The following HS3ST5 variants were observed in gnomAD, a reference collection of about 807,000 sequenced individuals.
HS3ST5 encodes heparan sulfate-glucosamine 3-sulfotransferase 5.
HS3ST5 carries 10 observed loss-of-function variants against 25.4 expected under a neutral mutation model. The ratio of observed to expected loss-of-function variants is 0.39; its 90% CI spans 0.24 to 0.67. The LOEUF (loss-of-function observed/expected upper bound fraction) is 0.67, where lower values mean the gene tolerates loss of function less well. Among genes scored for constraint, HS3ST5 ranks in the 30% least tolerant of loss-of-function variants. The pLI is 0.44. For missense variants in HS3ST5, 324 were observed against 420.7 expected (o/e 0.77, Z 2.01); for synonymous variants, 170 against 162.4 (o/e 1.05, Z -0.36).
intron 2 of HS3ST5, among the ~76,000 whole-genome samples, chr6:114,213,607 A>G (rs776033273): frequency 6.6e-6 from 1 of 152,040 alleles, no homozygotes; most frequent in Non-Finnish European, 1.5e-5. Context: ...TAACATTCCA[A>G]TTTAAGATAT....
intron 3 of HS3ST5, among the ~76,000 whole-genome samples, chr6:114,094,988 C>T (rs1033720434): frequency 6.6e-6 from 1 of 152,144 alleles, no homozygotes; most frequent in African/African-American, 2.4e-5. Context: ...CATCTCCTTC[C>T]CTTAGTTTAG....
At chr6:114,084,369 A>G in intron 3 of HS3ST5, 4 of 756,054 alleles carry the variant, frequency 5.3e-6, no homozygotes, top group Non-Finnish European at 9.7e-6. Flanking sequence ...CAGTCCATTC[A>G]CCCTGAAATT....
chr6:114,337,036 T>A (rs1776638757), intron 1 of HS3ST5, among the ~76,000 whole-genome samples: 1 of 152,222 alleles, frequency 6.6e-6, no homozygotes, highest in Non-Finnish European at 1.5e-5. Context: ...TGTCTACTCC[T>A]AAACTTAAAC....
chr6:114,138,885 C>T (rs914799437), intron 3 of HS3ST5, among the ~76,000 whole-genome samples: 2 of 152,126 alleles, frequency 1.3e-5, no homozygotes, highest in Non-Finnish European at 2.9e-5. Flanking sequence ...CTTCCTAGTT[C>T]ACAGAAGGCA....
intron 3 of HS3ST5, among the ~76,000 whole-genome samples, chr6:114,132,737 C>A (rs969214770): frequency 6.6e-5 from 10 of 152,246 alleles, no homozygotes; most frequent in Admixed American, 4.6e-4. Flanking sequence ...GTGCATGTAC[C>A]TACTGTGAAC....
chr6:114,260,779 G>C (rs1030807275), intron 1 of HS3ST5, among the ~76,000 whole-genome samples: 2 of 152,244 alleles, frequency 1.3e-5, no homozygotes, highest in Non-Finnish European at 2.9e-5. Context: ...GGACAGAGTT[G>C]AGAAAGCATG....
At chr6:114,260,336 CTATAAAAATTACTG>C (rs766407196) in intron 1 of HS3ST5, among the ~76,000 whole-genome samples, 1 of 152,084 alleles carries the variant, frequency 6.6e-6, no homozygotes, top group Non-Finnish European at 1.5e-5. Flanking sequence ...GAGATATGGA[CTATAAAAATTACTG>C]TATAAAAATT....
chr6:114,154,740 C>T (rs980543149), intron 3 of HS3ST5, among the ~76,000 whole-genome samples: 3 of 152,050 alleles, frequency 2.0e-5, no homozygotes, highest in Non-Finnish European at 2.9e-5. Context: ...CAAGTTCCTG[C>T]CTCTGGCATT....
At chr6:114,218,801 T>C (rs1214943496) in intron 2 of HS3ST5, among the ~76,000 whole-genome samples, 4 of 152,178 alleles carry the variant, frequency 2.6e-5, no homozygotes, top group African/African-American at 9.7e-5. Flanking sequence ...AAATCATGAA[T>C]AAAACTTTTT....
intron 3 of HS3ST5, among the ~76,000 whole-genome samples, chr6:114,164,403 C>A (rs1269093431): frequency 6.6e-6 from 1 of 152,090 alleles, no homozygotes; most frequent in Non-Finnish European, 1.5e-5. Flanking sequence ...ACTAAGGAGG[C>A]TATGAACAAA....
intron 2 of HS3ST5, among the ~76,000 whole-genome samples, chr6:114,200,818 T>C (rs1780978193): frequency 6.6e-6 from 1 of 152,214 alleles, no homozygotes; most frequent in Non-Finnish European, 1.5e-5. Flanking sequence ...TCTTTAGGCA[T>C]GCAAGCAACA....
intron 1 of HS3ST5, among the ~76,000 whole-genome samples, chr6:114,277,897 A>AT (rs748404991): frequency 2.6e-5 from 4 of 151,862 alleles, no homozygotes; most frequent in African/African-American, 4.8e-5. Flanking sequence ...AAAGATGACT[A>AT]TTTTTTTTAC....
intron 2 of HS3ST5, among the ~76,000 whole-genome samples, chr6:114,206,386 A>G (rs1256441847): frequency 2.0e-5 from 3 of 152,198 alleles, no homozygotes; most frequent in Non-Finnish European, 4.4e-5. Context: ...ATTGCATCTT[A>G]TTCATCTATA....
intron 2 of HS3ST5, among the ~76,000 whole-genome samples, chr6:114,179,340 G>A (rs1779857678): frequency 6.6e-6 from 1 of 152,088 alleles, no homozygotes; most frequent in Admixed American, 6.6e-5. Flanking sequence ...ACTGAGATGT[G>A]AGCATATGCC....
intron 3 of HS3ST5, among the ~76,000 whole-genome samples, chr6:114,081,098 G>T (rs1206736003): frequency 1.3e-5 from 2 of 152,194 alleles, no homozygotes; most frequent in African/African-American, 4.8e-5. Flanking sequence ...AGAACAGCTG[G>T]TTGGTGGAGC....
chr6:114,194,388 C>A lies in HS3ST5; in HGVS notation c.-144-25926G>T, dbSNP rs116018092. On this transcript the variant is annotated intron_variant, in intron 2 of 4. Transcript: ENST00000312719. ...GAAACTCTGGAAACTGAGTTCCTGG[C>A]CATGACAGGATGGGAGGTCGGACAC... is the stretch of plus-strand genomic sequence containing the variant. 5.7e-3 allele frequency among the ~76,000 whole-genome samples: 870 copies of A among 152,258 alleles called. 7 individuals are homozygous for A. Among genetic ancestry groups the A allele is most frequent in the African/African-American group, 0.02 (836 of 41,554 alleles).
At chr6:114,223,168 G>A (rs1017120445) in intron 2 of HS3ST5, among the ~76,000 whole-genome samples, 10 of 151,428 alleles carry the variant, frequency 6.6e-5, no homozygotes, top group Non-Finnish European at 1.3e-4. Flanking sequence ...ATTTTAATAG[G>A]AGTATCCCAT....
intron 3 of HS3ST5, among the ~76,000 whole-genome samples, chr6:114,099,302 G>T (rs928890526): frequency 6.6e-6 from 1 of 152,136 alleles, no homozygotes; most frequent in Non-Finnish European, 1.5e-5. Context: ...CATCTACTTA[G>T]ATCATTTGTA....
chr6:114,298,977 C>T (rs1246019267), intron 1 of HS3ST5, among the ~76,000 whole-genome samples: 1 of 152,138 alleles, frequency 6.6e-6, no homozygotes, highest in Admixed American at 6.5e-5. Flanking sequence ...AAAAAAAGAA[C>T]AGGATAACAG....
Sources: allele counts gnomAD v4.1 joint callset (sites outside exome capture counted in the v4.1 genomes callset), GRCh38; gene constraint gnomAD v4.1.1; transcripts MANE v1.5; gene names NCBI Gene and HGNC (gene_info 2026-07-23, HGNC 2026-07-21).